The following RFTN2 variants were observed in gnomAD, a reference collection of about 807,000 sequenced individuals.
RFTN2 encodes the protein raftlin family member 2.
A neutral mutation model predicts 52.7 loss-of-function variants in RFTN2; 34 were observed. That is an observed-to-expected ratio of 0.64 (90% CI 0.49 to 0.86). RFTN2 has a LOEUF of 0.86. RFTN2 is among the 40% of genes least tolerant of loss of function. The pLI is 0.00. For missense variants in RFTN2, 536 were observed against 600.1 expected, an observed-to-expected ratio of 0.89 and a Z score of 1.12; for synonymous variants, 203 against 217.7, an observed-to-expected ratio of 0.93 and a Z score of 0.59.
intron 8 of RFTN2, among the ~76,000 whole-genome samples, chr2:197,589,568 T>G (rs1559340391): frequency 6.6e-6 from 1 of 152,212 alleles, no homozygotes; most frequent in Non-Finnish European, 1.5e-5. Context: ...AACAGGTGTA[T>G]GATATCTCAT....
chr2:197,655,255 G>A (rs878899307), intron 1 of RFTN2, among the ~76,000 whole-genome samples: 2 of 152,240 alleles, frequency 1.3e-5, no homozygotes, highest in African/African-American at 4.8e-5. Flanking sequence ...TGCAGAATGT[G>A]TTCCCAAGAA....
chr2:197,603,072 G>A (rs2087903945), intron 7 of RFTN2, among the ~76,000 whole-genome samples: 1 of 152,228 alleles, frequency 6.6e-6, no homozygotes, highest in African/African-American at 2.4e-5. Context: ...GGGGACTGTT[G>A]TGGGGTGCAG....
intron 1 of RFTN2, among the ~76,000 whole-genome samples, chr2:197,669,011 T>G (rs1278167480): frequency 6.6e-6 from 1 of 152,216 alleles, no homozygotes. Flanking sequence ...CACTTCCTTC[T>G]CCTTCCTTGT....
intron 1 of RFTN2, among the ~76,000 whole-genome samples, chr2:197,663,085 T>C (rs1559368115): frequency 6.6e-6 from 1 of 152,186 alleles, no homozygotes; most frequent in East Asian, 1.9e-4. Context: ...TTTTTCTGCA[T>C]CTATTGAGAT....
At chr2:197,601,229 A>G (rs2087875478) in intron 7 of RFTN2, among the ~76,000 whole-genome samples, 1 of 152,244 alleles carries the variant, frequency 6.6e-6, no homozygotes, top group East Asian at 1.9e-4. Flanking sequence ...TATGCATTTC[A>G]TAAGAAAGCA....
At chr2:197,652,034 TTTATAAA>T (rs2088833399) in intron 1 of RFTN2, among the ~76,000 whole-genome samples, 1 of 152,242 alleles carries the variant, frequency 6.6e-6, no homozygotes, top group Admixed American at 6.5e-5. Context: ...AAGGTGTGTC[TTTATAAA>T]TTATAAAATT....
At chr2:197,660,860 A>G (rs2088967822) in intron 1 of RFTN2, among the ~76,000 whole-genome samples, 1 of 152,010 alleles carries the variant, frequency 6.6e-6, no homozygotes, top group Non-Finnish European at 1.5e-5. Flanking sequence ...CGCCCGGCCA[A>G]GTATTTATTA....
At chr2:197,620,692 C>T (rs568094368) in intron 5 of RFTN2, among the ~76,000 whole-genome samples, 5 of 152,284 alleles carry the variant, frequency 3.3e-5, no homozygotes, top group African/African-American at 4.8e-5. Flanking sequence ...GTAGGCTGGG[C>T]GCAGTGGCTC....
intron 5 of RFTN2, among the ~76,000 whole-genome samples, chr2:197,623,915 C>T (rs371180596): frequency 5.3e-5 from 8 of 152,250 alleles, no homozygotes; most frequent in South Asian, 2.1e-4. Context: ...CCACCTGCCT[C>T]GGTCTCCCAA....
chr2:197,613,224 C>T (rs557302801), intron 7 of RFTN2, among the ~76,000 whole-genome samples: 15 of 152,160 alleles, frequency 9.9e-5, no homozygotes, highest in Non-Finnish European at 2.2e-4. Flanking sequence ...TTTGGTTCTG[C>T]TAAGGATTGC....
Position 197,568,484 on chromosome 2 carries a change from C to A in RFTN2, c.*3524G>T, listed in dbSNP as rs2087268876. 1 of 152,152 alleles carries A rather than the reference C, an allele frequency of 6.6e-6. No individual in the cohort carries two copies. 9.4% of individuals were successfully genotyped at this position (152,152 alleles called of 1,614,324 possible). ...TTTGCACTATTACACAAATAAAATT[C>A]ATTCTCAAGGGATGATAGATTACCA... On this transcript the variant is annotated 3_prime_UTR_variant, in exon 9 of 9. Coordinates refer to ENST00000295049, the MANE Select transcript of RFTN2 (RefSeq NM_144629.3).
intron 3 of RFTN2, among the ~76,000 whole-genome samples, chr2:197,639,529 C>T (rs2088625121): frequency 7.1e-6 from 1 of 140,506 alleles, no homozygotes; most frequent in Admixed American, 7.3e-5. Flanking sequence ...CAGTTGATCG[C>T]ATTGGCTCCT....
intron 8 of RFTN2, among the ~76,000 whole-genome samples, chr2:197,588,884 C>A (rs2087643842): frequency 6.6e-6 from 1 of 152,086 alleles, no homozygotes; most frequent in African/African-American, 2.4e-5. Context: ...TGGGTCTCTT[C>A]CGTGCTGCTC....
Position 197,572,167 on chromosome 2 carries a change from C to T in RFTN2, c.1347G>A (p.Glu449=). The T allele has an allele frequency of 6.2e-7, 1 of 1,614,270 alleles. No individual in the cohort carries two copies. The highest frequency in any genetic ancestry group is 8.5e-7 in the Non-Finnish European group (1 of 1,180,048). The part of the protein sequence containing the change: ...QPAESRHLPE[E]CRLSPSRECW... ...ATTCCCGGGAGGGAGAAAGGCGGCA[C>T]TCCTCAGGCAGGTGTCTGCTCTCTG... Residue 449 remains glutamate (E), a synonymous_variant, in exon 9 of 9, where the codon GAG becomes GAA. Coordinates refer to ENST00000295049, the MANE Select transcript of RFTN2 (RefSeq NM_144629.3).
chr2:197,665,335 G>A (rs2089036659), intron 1 of RFTN2, among the ~76,000 whole-genome samples: 1 of 151,970 alleles, frequency 6.6e-6, no homozygotes, highest in Non-Finnish European at 1.5e-5. Flanking sequence ...CTGTCTGGAT[G>A]ATCTGTCTAA....
At chr2:197,669,478 G>A (rs1221187848) in intron 1 of RFTN2, among the ~76,000 whole-genome samples, 4 of 151,808 alleles carry the variant, frequency 2.6e-5, no homozygotes, top group Non-Finnish European at 5.9e-5. Flanking sequence ...CTAGGACAGC[G>A]GTCCCCAACT....
chr2:197,590,577 A>G (rs2087689371), intron 8 of RFTN2, among the ~76,000 whole-genome samples: 1 of 152,162 alleles, frequency 6.6e-6, no homozygotes, highest in South Asian at 2.1e-4. Flanking sequence ...GATCTCACTG[A>G]CCTCAAGAGT....
chr2:197,645,188 C>T (rs545373729), intron 2 of RFTN2, among the ~76,000 whole-genome samples: 2 of 152,252 alleles, frequency 1.3e-5, no homozygotes, highest in South Asian at 2.1e-4. Context: ...TATAGAGTAA[C>T]GTATTTTTAC....
intron 5 of RFTN2, among the ~76,000 whole-genome samples, chr2:197,623,848 G>C (rs1395379183): frequency 1.3e-5 from 2 of 152,104 alleles, no homozygotes; most frequent in Non-Finnish European, 2.9e-5. Context: ...ATTTTTAGTA[G>C]AGACAGGGTT....
Sources: allele counts gnomAD v4.1 joint callset (sites outside exome capture counted in the v4.1 genomes callset), GRCh38; gene constraint gnomAD v4.1.1; transcripts MANE v1.5; gene names NCBI Gene and HGNC (gene_info 2026-07-23, HGNC 2026-07-21).